The following ANLN variants were observed in gnomAD, a reference collection of about 807,000 sequenced individuals.
ANLN encodes anillin, actin binding protein.
Under a neutral mutation model 135.1 loss-of-function variants are expected in ANLN, and 59 were observed. That is an observed-to-expected ratio of 0.44 (90% CI 0.35 to 0.54). The LOEUF (loss-of-function observed/expected upper bound fraction) is 0.54. Ranked by LOEUF, ANLN falls within the 20% of genes least tolerant of loss-of-function variation. The pLI, the probability that ANLN is intolerant of heterozygous loss-of-function variation, is 0.00. For missense variants in ANLN, 1,182 were observed against 1,340.0 expected (o/e 0.88, Z 1.84); for synonymous variants, 406 against 456.4 (o/e 0.89, Z 1.41).
Position 36,447,004 on chromosome 7 carries a change from G to A in ANLN, c.3079-2661G>A, listed in dbSNP as rs1038810668. 9.9e-5 allele frequency among the ~76,000 whole-genome samples: 15 copies of A among 152,128 alleles called. No individual in the cohort carries two copies. The East Asian group carries it at 1.2e-3, about 12-fold the overall frequency. ...TCCTTAGTGGACGCGTTCCAAGACCGCCAGTGAATGCATGAAACCATAGAT... is the reference window on the plus strand; with the variant it reads ...TCCTTAGTGGACGCGTTCCAAGACCACCAGTGAATGCATGAAACCATAGAT... On this transcript the variant is annotated intron_variant, in intron 22 of 23. Transcript: ENST00000265748.
At chr7:36,426,555 G>A (rs998993745) in intron 19 of ANLN, among the ~76,000 whole-genome samples, 1 of 152,128 alleles carries the variant, frequency 6.6e-6, no homozygotes, top group Non-Finnish European at 1.5e-5. Flanking sequence ...TCTCTGTGGT[G>A]CAAGAGAGTT....
intron 21 of ANLN, among the ~76,000 whole-genome samples, chr7:36,440,265 CAG>C (rs1788712145): frequency 6.6e-6 from 1 of 152,128 alleles, no homozygotes; most frequent in Non-Finnish European, 1.5e-5. Context: ...AGGGAAGCCT[CAG>C]AGGAGACTGC....
chr7:36,430,720 A>T (rs1788278131), intron 20 of ANLN, among the ~76,000 whole-genome samples: 1 of 152,206 alleles, frequency 6.6e-6, no homozygotes, highest in South Asian at 2.1e-4. Context: ...TATCCAGTTT[A>T]TACCTGTTGG....
chr7:36,435,872 C>CA (rs57379889), intron 20 of ANLN, among the ~76,000 whole-genome samples: 1,621 of 52,240 alleles, frequency 0.031, 329 homozygotes, highest in African/African-American at 0.078. Context: ...GACTCCGTCT[C>CA]AAAAAAAAAA....
At chr7:36,442,258 T>C (rs189084815) in intron 21 of ANLN, among the ~76,000 whole-genome samples, 1 of 152,352 alleles carries the variant, frequency 6.6e-6, no homozygotes, top group African/African-American at 2.4e-5. Flanking sequence ...GTAATACTAG[T>C]TTATTCTTAG....
intron 9 of ANLN, among the ~76,000 whole-genome samples, 168 bp downstream of exon 9, chr7:36,417,358 C>T (rs1787685518): frequency 6.6e-6 from 1 of 152,172 alleles, no homozygotes; most frequent in Non-Finnish European, 1.5e-5. Context: ...TGCTAGCTCA[C>T]AGGCACCTGT....
rs1787614783 is a variant in ANLN at position 36,415,799 on chromosome 7, T to A, written c.1437T>A (p.Gly479=). 1 of 1,608,264 alleles carries A rather than the reference T, an allele frequency of 6.2e-7. No homozygotes were observed. Among genetic ancestry groups the A allele is most frequent in the Non-Finnish European group, 8.5e-7 (1 of 1,178,338 alleles). Residue 479 remains glycine, a synonymous_variant, in exon 8 of 24, where the codon GGT becomes GGA. Transcript: ENST00000265748. Reference sequence around the variant, plus strand: ...GCACTCCCCTCAAAAAACACCAAGGTGTTTCAAAAACTCAGTCACTTCCAG... The same window carrying A: ...GCACTCCCCTCAAAAAACACCAAGGAGTTTCAAAAACTCAGTCACTTCCAG... ...CQSTPLKKHQ[G]VSKTQSLPVT... is the part of the protein sequence containing the mutation.
intron 3 of ANLN, among the ~76,000 whole-genome samples, chr7:36,402,490 T>C (rs10251120): frequency 0.038 from 5,731 of 152,144 alleles, 141 homozygotes; most frequent in African/African-American, 0.063. Flanking sequence ...CCTCCTCAAT[T>C]TTCACACCAG....
rs183557894 is a variant in ANLN, at chr7:36,438,043, C to T, written c.2884-1161C>T. Among the ~76,000 whole-genome samples, 136 of 152,344 alleles carry T rather than the reference C, an allele frequency of 8.9e-4. No homozygotes were observed. In the East Asian group the frequency reaches 0.01, roughly 11 times the overall value. On this transcript the variant is annotated intron_variant, in intron 20 of 23. Transcript: ENST00000265748. Reference sequence around the variant, plus strand: ...ACCTCAGGTGATTCACCCGCCTCAGCCTCCCAAAGTGCTGGGATTACAGGC... The same window carrying T: ...ACCTCAGGTGATTCACCCGCCTCAGTCTCCCAAAGTGCTGGGATTACAGGC...
intron 5 of ANLN, among the ~76,000 whole-genome samples, chr7:36,409,742 C>T (rs917548254): frequency 7.9e-5 from 12 of 152,196 alleles, no homozygotes; most frequent in African/African-American, 2.9e-4. Flanking sequence ...GGCATGATCT[C>T]AGCTTACTGC....
At chr7:36,418,357 C>T (rs1279383405) in intron 9 of ANLN, among the ~76,000 whole-genome samples, 1 of 152,142 alleles carries the variant, frequency 6.6e-6, no homozygotes, top group South Asian at 2.1e-4. Context: ...AGAGTCCTGC[C>T]GTGGGGCAGG....
At position 36,399,075 on chromosome 7, in the gene ANLN, G is replaced by T. The variant is rs771738920; in HGVS notation, c.173-4G>T. ...AATGTCTTTTTTCATCGTTTTTAAT[G>T]TAGAGAAATCTTGTACAAAACCATC... is the stretch of plus-strand genomic sequence containing the variant. On this transcript the variant is annotated splice_region_variant and splice_polypyrimidine_tract_variant and intron_variant, in intron 2 of 23. Transcript: ENST00000265748. 3.8e-6 allele frequency: 6 copies of T among 1,585,724 alleles called. No individual in the cohort carries two copies. Among genetic ancestry groups the T allele is most frequent in the Admixed American group, 3.6e-5 (2 of 55,138 alleles).
At chr7:36,396,756 GGGGT>G (rs1461846495) in intron 2 of ANLN, among the ~76,000 whole-genome samples, 1 of 152,090 alleles carries the variant, frequency 6.6e-6, no homozygotes. Flanking sequence ...TTTTATCCCA[GGGGT>G]GGCAGAACAG....
intron 4 of ANLN, among the ~76,000 whole-genome samples, chr7:36,407,331 C>G (rs1191150046): frequency 6.6e-6 from 1 of 152,122 alleles, no homozygotes; most frequent in Admixed American, 6.5e-5. Context: ...AGTAGTTAAT[C>G]TATTAACTAT....
rs1409804936 is a variant in ANLN at position 36,423,930 on chromosome 7, A to G, written c.2590A>G (p.Thr864Ala). The G allele has an allele frequency of 6.2e-7, 1 of 1,610,998 alleles. No individual in the cohort carries two copies. The highest frequency in any genetic ancestry group is 1.1e-5 in the South Asian group (1 of 90,582). Residue 864 changes from threonine (T) to alanine (A), a missense_variant, in exon 15 of 24, where the codon ACT becomes GCT. Thr to Ala is a moderately conservative substitution (Grantham distance 58). Around this residue, in one of 3 missense-constraint regions of ANLN, gnomAD observed 1,022 missense variants for 1,134.0 expected, o/e 0.90. Transcript: ENST00000265748. ...TAACGGTGATGCTCTGACATTCACT[A>G]CTACATTTACTCTGTAAGTAAATCA... is the stretch of plus-strand genomic sequence containing the variant. ...SLNGDALTFT[T>A]TFTLQDVSND...
chr7:36,423,571 A>ACC (rs1415043369), intron 14 of ANLN, among the ~76,000 whole-genome samples: 1 of 152,138 alleles, frequency 6.6e-6, no homozygotes, highest in Non-Finnish European at 1.5e-5. Flanking sequence ...AAATTGAGAA[A>ACC]TGTGGAGTGA....
At chr7:36,411,656 A>G (rs935797439) in intron 7 of ANLN, among the ~76,000 whole-genome samples, 1 of 152,232 alleles carries the variant, frequency 6.6e-6, no homozygotes, top group African/African-American at 2.4e-5. Context: ...TTTAATTTAC[A>G]TGTCTACAAA....
Position 36,389,862 on chromosome 7 carries a change from G to T in ANLN, c.-165G>T. 7.8e-7 allele frequency: 1 copy of T among 1,281,514 alleles called. No individual in the cohort carries two copies. Among genetic ancestry groups the T allele is most frequent in the Non-Finnish European group, 1.1e-6 (1 of 907,160 alleles). 79.4% of individuals were successfully genotyped at this position (1,281,514 alleles called of 1,614,324 possible). On this transcript the variant is annotated 5_prime_UTR_variant, in exon 1 of 24. Coordinates refer to ENST00000265748, the MANE Select transcript of ANLN (RefSeq NM_018685.5). ...TCAAATTTGAACGGCTGCAGAGGCC[G>T]AGTCCGTCACTGGAAGCCGAGAGGA... is the stretch of plus-strand genomic sequence containing the variant.
intron 18 of ANLN, 94 bp downstream of exon 18, chr7:36,425,834 A>G: frequency 7.4e-7 from 1 of 1,352,268 alleles, no homozygotes; most frequent in Non-Finnish European, 1.0e-6. Context: ...AACCTTGAGC[A>G]CTGTGGAAAA....
Sources: gnomAD v4.1 joint callset for allele counts (sites outside exome capture counted in the v4.1 genomes callset) on GRCh38, gnomAD v4.1.1 for gene constraint, gnomAD v4.1.1 regional missense constraint, MANE v1.5 for transcripts, NCBI Gene and HGNC (gene_info 2026-07-23, HGNC 2026-07-21) for gene names.